The following CLOCK variants were observed in gnomAD, a reference collection of about 807,000 sequenced individuals.
CLOCK encodes the protein circadian locomoter output cycles protein kaput.
In CLOCK, 43 loss-of-function variants were observed where a neutral mutation model predicts 118.4. The ratio of observed to expected loss-of-function variants is 0.36; its 90% CI spans 0.28 to 0.47. The LOEUF is 0.47. Among genes scored for constraint, CLOCK ranks in the 20% least tolerant of loss-of-function variants. The pLI, the probability that CLOCK is intolerant of heterozygous loss-of-function variation, is 1.00. For missense variants in CLOCK, 846 were observed against 999.9 expected (o/e 0.85, Z 2.08); for synonymous variants, 326 against 339.2 (o/e 0.96, Z 0.43).
chr4:55,525,780 AT>A (rs1218800328), intron 1 of CLOCK, among the ~76,000 whole-genome samples: 3 of 152,004 alleles, frequency 2.0e-5, no homozygotes, highest in Admixed American at 6.6e-5. Context: ...AAATAAAAAA[AT>A]TTTTTAAAGT....
intron 7 of CLOCK, among the ~76,000 whole-genome samples, chr4:55,474,198 T>A (rs979471059): frequency 3.3e-5 from 5 of 152,176 alleles, no homozygotes; most frequent in African/African-American, 1.2e-4. Context: ...ACAGCCTTAT[T>A]CCTGATATGG....
At chr4:55,509,139 A>G (rs543864325) in intron 2 of CLOCK, among the ~76,000 whole-genome samples, 2 of 152,238 alleles carry the variant, frequency 1.3e-5, no homozygotes, top group Admixed American at 6.5e-5. Context: ...CCATGATGAC[A>G]TGATGGCCAT....
intron 8 of CLOCK, among the ~76,000 whole-genome samples, chr4:55,467,977 G>A (rs1310629202): frequency 2.0e-5 from 3 of 152,168 alleles, no homozygotes; most frequent in Non-Finnish European, 4.4e-5. Flanking sequence ...TGAGAGCCTG[G>A]ACTTTTAAGT....
chr4:55,522,270 A>C (rs1212934501), intron 1 of CLOCK, among the ~76,000 whole-genome samples: 3 of 152,202 alleles, frequency 2.0e-5, no homozygotes, highest in Non-Finnish European at 2.9e-5. Context: ...CAAACTTTAA[A>C]GAAAAAAAAT....
rs565535154 is a variant in CLOCK at position 55,448,802 on chromosome 4, G to T, written c.1516C>A (p.Pro506Thr). The T allele has an allele frequency of 6.2e-7, 1 of 1,613,864 alleles. No individual in the cohort carries two copies. The highest frequency in any genetic ancestry group is 1.1e-5 in the South Asian group (1 of 91,080). ...ACCTGGGACATGCCTTGTGGAATTGGTAAATTTGTAGCTTGAGACATCACT... is the reference window on the plus strand; with the variant it reads ...ACCTGGGACATGCCTTGTGGAATTGTTAAATTTGTAGCTTGAGACATCACT... ...QPVMSQATNLPIPQGMSQFQF... is the reference protein window; with the variant it reads ...QPVMSQATNLTIPQGMSQFQF... The change falls in exon 18 of 23, where the codon CCA becomes ACA. Residue 506 changes from proline to threonine, a missense_variant. By Grantham distance (38) the Pro-to-Thr change is conservative (BLOSUM62 -1). This residue lies in a region of CLOCK where 520 missense variants were observed against 558.0 expected (regional missense o/e 0.93). Coordinates refer to ENST00000513440, the MANE Select transcript of CLOCK (RefSeq NM_004898.4).
At position 55,459,138 on chromosome 4, in the gene CLOCK, T is replaced by C; in HGVS notation, c.673+10A>G. On this transcript the variant is annotated intron_variant, in intron 10 of 22. Coordinates refer to ENST00000513440, the MANE Select transcript of CLOCK (RefSeq NM_004898.4). ...TTAAAACACATTGTGAGAGAAGCAT[T>C]TTAACTCACCACTGTTTAAAGATTT... 1.3e-6 allele frequency: 2 copies of C among 1,528,166 alleles called. No homozygotes were observed. The highest frequency in any genetic ancestry group is 2.2e-5 in the South Asian group (2 of 89,250). The allele number at this position is 1,528,166 out of a possible 1,614,324, so 94.7% of individuals were successfully genotyped here.
At chr4:55,458,360 C>T (rs1477679323) in intron 11 of CLOCK, among the ~76,000 whole-genome samples, 1 of 152,118 alleles carries the variant, frequency 6.6e-6, no homozygotes, top group African/African-American at 2.4e-5. Context: ...CCTCGCCTGG[C>T]CCCGCCGAAA....
intron 1 of CLOCK, among the ~76,000 whole-genome samples, chr4:55,513,024 A>T (rs553814497): frequency 6.6e-6 from 1 of 152,230 alleles, no homozygotes; most frequent in Admixed American, 6.5e-5. Context: ...TTTTAAATAC[A>T]TTTAGTGTAG....
chr4:55,478,149 A>T (rs201327222), intron 6 of CLOCK, among the ~76,000 whole-genome samples: 1 of 147,596 alleles, frequency 6.8e-6, no homozygotes, highest in East Asian at 2.0e-4. Flanking sequence ...GGTTTTTTTT[A>T]AATCTATTAT....
At position 55,449,277 on chromosome 4, in the gene CLOCK, C is replaced by T. The variant is rs1215509483; in HGVS notation, c.1449+119G>A. ...GAAGTCTTAAGTAAGTGTCACATAT[C>T]AGTAACTATTTTGATCTTTACAAAG... On this transcript the variant is annotated intron_variant, in intron 17 of 22. Coordinates refer to ENST00000513440, the MANE Select transcript of CLOCK (RefSeq NM_004898.4). The T allele has an allele frequency of 6.8e-6, 6 of 882,356 alleles. No individual in the cohort carries two copies. In the East Asian group the frequency reaches 1.5e-4, roughly 22 times the overall value. The allele number at this position is 882,356 out of a possible 1,614,324, so 54.7% of individuals were successfully genotyped here. A position where few individuals can be genotyped will look rare whatever the true frequency, so the allele number is the denominator to read the frequency against.
chr4:55,515,332 G>T (rs1458021541), intron 1 of CLOCK, among the ~76,000 whole-genome samples: 1 of 152,000 alleles, frequency 6.6e-6, no homozygotes, highest in Non-Finnish European at 1.5e-5. Context: ...CCAGCTTTTG[G>T]TTTTGTTGAT....
intron 1 of CLOCK, among the ~76,000 whole-genome samples, chr4:55,513,889 T>G (rs1305901285): frequency 6.6e-6 from 1 of 152,092 alleles, no homozygotes; most frequent in Non-Finnish European, 1.5e-5. Context: ...ATTAATGTAA[T>G]GGTATTGTGT....
At chr4:55,440,565 C>T (rs1723280720) in intron 21 of CLOCK, among the ~76,000 whole-genome samples, 1 of 152,042 alleles carries the variant, frequency 6.6e-6, no homozygotes, top group South Asian at 2.1e-4. Flanking sequence ...ATTTTATACA[C>T]TACACAACCA....
chr4:55,523,438 C>G (rs139334837), intron 1 of CLOCK, among the ~76,000 whole-genome samples: 1 of 152,148 alleles, frequency 6.6e-6, no homozygotes, highest in Non-Finnish European at 1.5e-5. Flanking sequence ...CCAATGGACC[C>G]TTTATATTTT....
chr4:55,506,605 G>A (rs79593955), intron 2 of CLOCK, among the ~76,000 whole-genome samples: 6,538 of 151,298 alleles, frequency 0.043, 452 homozygotes, highest in African/African-American at 0.15. Context: ...ATGGAGTCTC[G>A]CTCTGTCCAG....
chr4:55,434,461 T>C lies in CLOCK; in HGVS notation c.*954A>G, dbSNP rs1342863128. ...TTTCCAACTATGAACTATAACAAAA[T>C]ATGCAATCAAAACTCCCAGCCACCT... On this transcript the variant is annotated 3_prime_UTR_variant, in exon 23 of 23. Coordinates refer to ENST00000513440, the MANE Select transcript of CLOCK (RefSeq NM_004898.4). 3 of 152,482 alleles carry C rather than the reference T, an allele frequency of 2.0e-5. No individual in the cohort carries two copies. The highest frequency in any genetic ancestry group is 4.4e-5 in the Non-Finnish European group (3 of 68,018). The allele number at this position is 152,482 out of a possible 1,614,324, so 9.4% of individuals were successfully genotyped here. A position where few individuals can be genotyped will look rare whatever the true frequency, so the allele number is the denominator to read the frequency against.
At chr4:55,497,968 A>G (rs753709050) in intron 2 of CLOCK, among the ~76,000 whole-genome samples, 15 of 150,190 alleles carry the variant, frequency 1.0e-4, no homozygotes, top group Non-Finnish European at 2.2e-4. Flanking sequence ...CAGAAAAAAA[A>G]AAAAGAGATA....
intron 2 of CLOCK, among the ~76,000 whole-genome samples, chr4:55,505,072 A>G (rs1728712188): frequency 1.3e-5 from 2 of 151,832 alleles, no homozygotes; most frequent in East Asian, 2.0e-4. Flanking sequence ...AGTCCCAGCT[A>G]CTCAGAAGGC....
rs1030190125 is a variant in CLOCK, at chr4:55,432,590, G to C, written c.*2825C>G. ...ATAGAAATGAAGAACAGACACTGCT[G>C]AATCTTCATTTGAATGCTCAAGTTT... On this transcript the variant is annotated 3_prime_UTR_variant, in exon 23 of 23. Transcript: ENST00000513440. 1 of 123,802 alleles carries C rather than the reference G, an allele frequency of 8.1e-6. No individual in the cohort carries two copies. The highest frequency in any genetic ancestry group is 1.6e-5 in the Non-Finnish European group (1 of 62,674). The allele number at this position is 123,802 out of a possible 1,614,324, so 7.7% of individuals were successfully genotyped here. A position where few individuals can be genotyped will look rare whatever the true frequency, so the allele number is the denominator to read the frequency against.
Sources: gnomAD v4.1 joint callset for allele counts (sites outside exome capture counted in the v4.1 genomes callset) on GRCh38, gnomAD v4.1.1 for gene constraint, gnomAD v4.1.1 regional missense constraint, MANE v1.5 for transcripts, NCBI Gene and HGNC (gene_info 2026-07-23, HGNC 2026-07-21) for gene names.